SCN8A: variants seen among roughly 807,000 people sequenced by gnomAD.
The protein encoded by SCN8A is sodium voltage-gated channel alpha subunit 8, also known as sodium channel protein type 8 subunit alpha.
Under a neutral mutation model 184.1 loss-of-function variants are expected in SCN8A, and 30 were observed. The observed-to-expected ratio is 0.16, with a 90% confidence interval of 0.12 to 0.22. The LOEUF (loss-of-function observed/expected upper bound fraction) is 0.22. Among genes scored for constraint, SCN8A ranks in the 10% least tolerant of loss-of-function variants. The pLI is 1.00. For synonymous variants in SCN8A, 852 were observed against 907.0 expected, an observed-to-expected ratio of 0.94 and a Z score of 1.09; for missense variants, 1,057 against 2,498.9, an observed-to-expected ratio of 0.42 and a Z score of 12.30.
In SCN8A at chr12:51,810,463, G is replaced by A. The variant is rs1365837760; in HGVS notation, c.*3034G>A. On this transcript the variant is annotated 3_prime_UTR_variant, in exon 27 of 27. Coordinates refer to ENST00000627620, the MANE Select transcript of SCN8A (RefSeq NM_001330260.2). ...CTTCGCTGAGTGGGTAAGTGGCAAT[G>A]CTTTGCCAAATATTAACGAAGCCAA... is the stretch of plus-strand genomic sequence containing the variant. 1.3e-5 allele frequency: 6 copies of A among 446,682 alleles called. No homozygotes were observed. The highest frequency in any genetic ancestry group is 1.2e-4 in the Admixed American group (5 of 40,476). The allele number at this position is 446,682 out of a possible 1,614,324, so 27.7% of individuals were successfully genotyped here. A position where few individuals can be genotyped will look rare whatever the true frequency, so the allele number is the denominator to read the frequency against.
chr12:51,602,621 ACAATCAAT>A (rs367598313), intron 1 of SCN8A, among the ~76,000 whole-genome samples: 2 of 152,154 alleles, frequency 1.3e-5, no homozygotes, highest in African/African-American at 2.4e-5. Flanking sequence ...ATATTTTACC[ACAATCAAT>A]CAATCAATCA....
chr12:51,696,272 A>G (rs745976301), intron 6 of SCN8A, among the ~76,000 whole-genome samples: 4 of 152,224 alleles, frequency 2.6e-5, no homozygotes, highest in Non-Finnish European at 4.4e-5. Context: ...TTAGTGACCC[A>G]TTCAAGTATT....
chr12:51,689,353 A>G (rs1941470205), intron 6 of SCN8A: 3 of 408,098 alleles, frequency 7.4e-6, no homozygotes, highest in African/African-American at 2.0e-5. Context: ...ATCTCACCAT[A>G]TTTGAAAAAA....
chr12:51,760,187 C>A (rs1455476475), intron 14 of SCN8A, among the ~76,000 whole-genome samples: 1 of 152,326 alleles, frequency 6.6e-6, no homozygotes, highest in African/African-American at 2.4e-5. Context: ...GCATGTAATT[C>A]TTCCCTTTCT....
At chr12:51,794,709 A>AG in intron 26 of SCN8A, 68 bp downstream of exon 26, 1 of 1,486,088 alleles carries the variant, frequency 6.7e-7, no homozygotes, top group Admixed American at 1.8e-5. Context: ...GAGATTTCCC[A>AG]GGAGAGGAAT....
chr12:51,652,889 T>G (rs2138655372), intron 1 of SCN8A, among the ~76,000 whole-genome samples: 1 of 152,334 alleles, frequency 6.6e-6, no homozygotes, highest in Middle Eastern at 3.4e-3. Flanking sequence ...ATAAGGTCCT[T>G]TGAAGGCAGG....
At chr12:51,704,701 G>A (rs1592391996) in intron 9 of SCN8A, among the ~76,000 whole-genome samples, 3 of 143,606 alleles carry the variant, frequency 2.1e-5, no homozygotes, top group South Asian at 2.2e-4. Flanking sequence ...GGGTCCGGGC[G>A]TGGTGGCTCA....
At chr12:51,800,275 A>C (rs1015632555) in intron 26 of SCN8A, among the ~76,000 whole-genome samples, 2 of 152,256 alleles carry the variant, frequency 1.3e-5, no homozygotes, top group African/African-American at 4.8e-5. Flanking sequence ...ATGAAACCGC[A>C]TCTGGTACAG....
intron 2 of SCN8A, among the ~76,000 whole-genome samples, chr12:51,673,555 A>G (rs140473469): frequency 6.6e-6 from 1 of 152,216 alleles, no homozygotes; most frequent in African/African-American, 2.4e-5. Context: ...TATAGCTTCA[A>G]CTGGGCACCC....
At chr12:51,676,003 G>A (rs147303272) in intron 2 of SCN8A, among the ~76,000 whole-genome samples, 153 of 152,140 alleles carry the variant, frequency 1.0e-3, no homozygotes, top group Non-Finnish European at 1.8e-3. Context: ...TAAAATTATC[G>A]GTTACTAAGA....
chr12:51,760,662 G>T (rs531620506), intron 14 of SCN8A, among the ~76,000 whole-genome samples: 1 of 152,194 alleles, frequency 6.6e-6, no homozygotes, highest in Non-Finnish European at 1.5e-5. Flanking sequence ...AGGATTTGAT[G>T]AGCTGTCTGT....
At chr12:51,673,318 A>ATT (rs566615241) in intron 2 of SCN8A, among the ~76,000 whole-genome samples, 115 of 152,332 alleles carry the variant, frequency 7.5e-4, no homozygotes, top group African/African-American at 2.7e-3. Context: ...ATACAATATC[A>ATT]TCTTATGTCA....
chr12:51,690,890 A>G (rs1446389150), intron 6 of SCN8A, among the ~76,000 whole-genome samples: 4 of 152,186 alleles, frequency 2.6e-5, no homozygotes, highest in South Asian at 4.1e-4. Context: ...CTGACTCCCT[A>G]TCAACCAAAG....
At position 51,718,831 on chromosome 12, in the gene SCN8A, T is replaced by A. The variant is rs529989586; in HGVS notation, c.1636-2715T>A. Among the ~76,000 whole-genome samples the A allele has an allele frequency of 1.6e-3, 244 of 152,142 alleles. 1 individual carries two copies. The highest frequency in any genetic ancestry group is 5.4e-3 in the African/African-American group (223 of 41,494). ...TTCCTTTAAGTACAAGAGTAACTCA[T>A]GTGAGAATAACCCACATAATTATTA... On this transcript the variant is annotated intron_variant, in intron 11 of 26. Coordinates refer to ENST00000627620, the MANE Select transcript of SCN8A (RefSeq NM_001330260.2).
intron 14 of SCN8A, among the ~76,000 whole-genome samples, chr12:51,761,459 T>G (rs1350617454): frequency 6.7e-6 from 1 of 149,230 alleles, no homozygotes; most frequent in East Asian, 1.9e-4. Context: ...ATTTATTTAT[T>G]TATTTATTAT....
At chr12:51,603,103 C>A (rs902083716) in intron 1 of SCN8A, among the ~76,000 whole-genome samples, 2 of 151,896 alleles carry the variant, frequency 1.3e-5, no homozygotes, top group African/African-American at 4.8e-5. Context: ...TTCATGTAAC[C>A]GTGCCACAAT....
intron 19 of SCN8A, among the ~76,000 whole-genome samples, chr12:51,771,058 C>T (rs1942918605): frequency 6.6e-6 from 1 of 152,204 alleles, no homozygotes; most frequent in South Asian, 2.1e-4. Flanking sequence ...TCACAGCCTA[C>T]TGGATTTAGA....
In SCN8A at chr12:51,811,334, C is replaced by G. The variant is rs960746511; in HGVS notation, c.*3905C>G. The G allele has an allele frequency of 6.6e-6, 1 of 152,116 alleles. No homozygotes were observed. The highest frequency in any genetic ancestry group is 6.5e-5 in the Admixed American group (1 of 15,276). The allele number at this position is 152,116 out of a possible 1,614,324, so 9.4% of individuals were successfully genotyped here. ...CCATTGCATGTGGCATTCCCCACTA[C>G]TGGCCGGTGCTTAGAGGCCCATAAA... On this transcript the variant is annotated 3_prime_UTR_variant, in exon 27 of 27. Transcript: ENST00000627620.
chr12:51,771,434 A>C lies in SCN8A; in HGVS notation c.3645+751A>C, dbSNP rs1455191726. On this transcript the variant is annotated intron_variant, in intron 19 of 26. Transcript: ENST00000627620. ...TGGAATCAAAGCTTAATCTGGAAGC[A>C]AAAAAAAAAACATAGCAAGGGAGAA... Among the ~76,000 whole-genome samples, 7 of 139,014 alleles carry C rather than the reference A, an allele frequency of 5.0e-5. No homozygotes were observed. In the South Asian group the frequency reaches 1.3e-3, roughly 26 times the overall value. 91.2% of individuals were successfully genotyped at this position (139,014 alleles called of 152,430 possible).
Sources: gnomAD v4.1 joint callset for allele counts (sites outside exome capture counted in the v4.1 genomes callset) on GRCh38, gnomAD v4.1.1 for gene constraint, MANE v1.5 for transcripts, NCBI Gene and HGNC (gene_info 2026-07-23, HGNC 2026-07-21) for gene names.